The following CRB1 variants were observed in gnomAD, a reference collection of about 807,000 sequenced individuals.
The protein encoded by CRB1 is protein crumbs homolog 1.
CRB1 carries 83 observed loss-of-function variants against 120.0 expected under a neutral mutation model. That is an observed-to-expected ratio of 0.69 (90% CI 0.58 to 0.83). CRB1 has a LOEUF of 0.83. Among genes scored for constraint, CRB1 ranks in the 40% least tolerant of loss-of-function variants. CRB1 has a pLI of 0.00. For synonymous variants in CRB1, 625 were observed against 612.5 expected (o/e 1.02, Z -0.30); for missense variants, 1,699 against 1,687.6 (o/e 1.01, Z -0.12).
chr1:197,364,141 C>A, intron 5 of CRB1: 1 of 693,178 alleles, frequency 1.4e-6, no homozygotes. Flanking sequence ...GTATGAAACC[C>A]TCATCCAGTT....
At chr1:197,317,078 C>T (rs944647437) in intron 1 of CRB1, among the ~76,000 whole-genome samples, 2 of 152,140 alleles carry the variant, frequency 1.3e-5, no homozygotes, top group Non-Finnish European at 2.9e-5. Context: ...AATGTCCGTA[C>T]AATGTACACC....
intron 1 of CRB1, among the ~76,000 whole-genome samples, chr1:197,307,376 T>G (rs1229833691): frequency 2.0e-5 from 3 of 152,210 alleles, no homozygotes; most frequent in Non-Finnish European, 4.4e-5. Flanking sequence ...GAAATTCTGT[T>G]AAGTTTAATG....
intron 4 of CRB1, among the ~76,000 whole-genome samples, chr1:197,348,169 T>C (rs936330732): frequency 2.0e-4 from 31 of 152,218 alleles, no homozygotes; most frequent in African/African-American, 7.2e-4. Flanking sequence ...TCCTACTGCC[T>C]AGTGATGTCA....
chr1:197,313,321 G>A (rs1438476408), intron 1 of CRB1, among the ~76,000 whole-genome samples: 1 of 152,094 alleles, frequency 6.6e-6, no homozygotes, highest in Non-Finnish European at 1.5e-5. Flanking sequence ...GGGACACAGA[G>A]CCAAACCATA....
At chr1:197,222,697 C>A in the CRB1 span, 1 of 806,168 alleles carries the variant, frequency 1.2e-6, no homozygotes, top group Admixed American at 1.7e-5. Flanking sequence ...CAGGAAAACT[C>A]CATTCTCAGT....
chr1:197,252,582 A>ATATATATATATATGTGTGTGTGTG, the CRB1 span, among the ~76,000 whole-genome samples: 3 of 15,504 alleles, frequency 1.9e-4, no homozygotes, highest in Admixed American at 1.1e-3. Context: ...ATATATATAT[A>ATATATATATATATGTGTGTGTGTG]TGTGTGTGTG....
chr1:197,312,530 C>G (rs559921167), intron 1 of CRB1, among the ~76,000 whole-genome samples: 1 of 152,118 alleles, frequency 6.6e-6, no homozygotes, highest in Admixed American at 6.5e-5. Context: ...TGCAGTGAGT[C>G]GAGATGGCAC....
intron 11 of CRB1, among the ~76,000 whole-genome samples, chr1:197,461,948 A>T (rs1260951307): frequency 6.6e-6 from 1 of 152,174 alleles, no homozygotes; most frequent in Non-Finnish European, 1.5e-5. Flanking sequence ...TTTTCTCAAG[A>T]TAGAAATGTA....
intron 11 of CRB1, among the ~76,000 whole-genome samples, chr1:197,471,466 T>G (rs1051407773): frequency 6.6e-6 from 1 of 152,136 alleles, no homozygotes; most frequent in African/African-American, 2.4e-5. Context: ...AAGGAGAAAA[T>G]GATACTCAGC....
At chr1:197,379,770 A>T (rs1219300856) in intron 5 of CRB1, among the ~76,000 whole-genome samples, 2 of 152,182 alleles carry the variant, frequency 1.3e-5, no homozygotes, top group Non-Finnish European at 2.9e-5. Context: ...CATAAGATGG[A>T]AGATTTATAT....
chr1:197,261,833 T>G, the CRB1 span, among the ~76,000 whole-genome samples: 3 of 152,180 alleles, frequency 2.0e-5, no homozygotes, highest in Non-Finnish European at 4.4e-5. Flanking sequence ...ATTATACAGG[T>G]AACTTGGGTC....
chr1:197,296,144 G>A (rs894090914), intron 1 of CRB1, among the ~76,000 whole-genome samples: 1 of 151,966 alleles, frequency 6.6e-6, no homozygotes, highest in Non-Finnish European at 1.5e-5. Context: ...TCTGCAAAAT[G>A]GAGACACAAA....
At chr1:197,298,774 G>A (rs1467297775) in intron 1 of CRB1, among the ~76,000 whole-genome samples, 2 of 152,074 alleles carry the variant, frequency 1.3e-5, no homozygotes, top group Middle Eastern at 3.4e-3. Context: ...GCCATCATTG[G>A]GAACAGAACA....
At chr1:197,235,714 C>G in the CRB1 span, among the ~76,000 whole-genome samples, 1 of 152,100 alleles carries the variant, frequency 6.6e-6, no homozygotes, top group Non-Finnish European at 1.5e-5. Flanking sequence ...GTGTTAAGTA[C>G]CTAAGTTTTA....
intron 5 of CRB1, among the ~76,000 whole-genome samples, chr1:197,393,854 C>A (rs978677569): frequency 6.6e-6 from 1 of 151,970 alleles, no homozygotes; most frequent in Admixed American, 6.6e-5. Context: ...ATCGAGAAAA[C>A]AGAATAAAGT....
chr1:197,448,316 C>T (rs919062640), intron 11 of CRB1, among the ~76,000 whole-genome samples: 2 of 152,048 alleles, frequency 1.3e-5, no homozygotes, highest in Admixed American at 6.6e-5. Flanking sequence ...TGCTGAGTTG[C>T]GTAAATGCCC....
chr1:197,256,932 C>CATGTGTGTGT, the CRB1 span, among the ~76,000 whole-genome samples: 41 of 141,498 alleles, frequency 2.9e-4, no homozygotes, highest in South Asian at 9.1e-3. Context: ...ATAGGATTTG[C>CATGTGTGTGT]GTGTGTGTGT....
intron 11 of CRB1, among the ~76,000 whole-genome samples, chr1:197,445,079 C>T (rs1665637804): frequency 6.6e-6 from 1 of 152,064 alleles, no homozygotes; most frequent in Non-Finnish European, 1.5e-5. Flanking sequence ...TGATTACAAC[C>T]CTAATTGTTC....
At chr1:197,453,111 A>G (rs560283347) in intron 11 of CRB1, among the ~76,000 whole-genome samples, 1 of 151,954 alleles carries the variant, frequency 6.6e-6, no homozygotes, top group East Asian at 1.9e-4. Context: ...AAGTGAAATT[A>G]CCCAATTATA....
Sources: allele counts gnomAD v4.1 joint callset (sites outside exome capture counted in the v4.1 genomes callset), GRCh38; gene constraint gnomAD v4.1.1; transcripts MANE v1.5; gene names NCBI Gene and HGNC (gene_info 2026-07-23, HGNC 2026-07-21).